The following EPHB1 variants were observed in gnomAD, a reference collection of about 807,000 sequenced individuals.
EPHB1 encodes the protein EPH receptor B1, also known as ephrin type-B receptor 1.
A neutral mutation model predicts 94.4 loss-of-function variants in EPHB1; 30 were observed. That is an observed-to-expected ratio of 0.32 (90% CI 0.24 to 0.43). The LOEUF (loss-of-function observed/expected upper bound fraction) is 0.43, where lower values mean the gene tolerates loss of function less well. Among genes scored for constraint, EPHB1 ranks in the 20% least tolerant of loss-of-function variants. The pLI, the probability that EPHB1 is intolerant of heterozygous loss-of-function variation, is 1.00. For synonymous variants in EPHB1, 522 were observed against 489.1 expected (o/e 1.07, Z -0.89); for missense variants, 1,055 against 1,308.3 (o/e 0.81, Z 2.99).
At chr3:135,070,941 T>C (rs142886415) in intron 3 of EPHB1, among the ~76,000 whole-genome samples, 31 of 152,272 alleles carry the variant, frequency 2.0e-4, no homozygotes, top group Non-Finnish European at 4.0e-4. Context: ...AAAAATGATG[T>C]GCATGGTCAA....
intron 3 of EPHB1, among the ~76,000 whole-genome samples, chr3:134,968,014 A>G (rs932111416): frequency 1.7e-4 from 26 of 152,382 alleles, no homozygotes; most frequent in African/African-American, 6.3e-4. Flanking sequence ...AAACAAGGAC[A>G]TGAGTCCATT....
At chr3:134,908,619 C>T (rs1431665215) in intron 1 of EPHB1, among the ~76,000 whole-genome samples, 1 of 152,120 alleles carries the variant, frequency 6.6e-6, no homozygotes, top group Non-Finnish European at 1.5e-5. Flanking sequence ...TATTCCTGGC[C>T]AGAGCTGCAA....
At chr3:134,807,551 G>GAGA (rs1553852714) in intron 1 of EPHB1, among the ~76,000 whole-genome samples, 1 of 84,832 alleles carries the variant, frequency 1.2e-5, no homozygotes, top group Non-Finnish European at 3.2e-5. Flanking sequence ...GAGAGAGAGA[G>GAGA]GGGAGAGAGA....
chr3:135,248,269 C>T (rs2107731055), intron 13 of EPHB1, 47 bp from the exon 14 acceptor site: 3 of 1,477,712 alleles, frequency 2.0e-6, no homozygotes, highest in Non-Finnish European at 2.7e-6. Flanking sequence ...GAGTGACTGG[C>T]TGGTGGCAGT....
intron 1 of EPHB1, among the ~76,000 whole-genome samples, chr3:134,866,971 G>A (rs922924709): frequency 6.6e-6 from 1 of 151,844 alleles, no homozygotes; most frequent in African/African-American, 2.4e-5. Flanking sequence ...AGCTACATGG[G>A]CCAACCTCTG....
At chr3:134,865,231 A>G (rs2037349846) in intron 1 of EPHB1, among the ~76,000 whole-genome samples, 1 of 151,952 alleles carries the variant, frequency 6.6e-6, no homozygotes, top group Non-Finnish European at 1.5e-5. Flanking sequence ...CTTTGATTAT[A>G]TTATAAACTA....
At chr3:134,848,663 G>A (rs967326623) in intron 1 of EPHB1, among the ~76,000 whole-genome samples, 15 of 152,180 alleles carry the variant, frequency 9.9e-5, no homozygotes, top group African/African-American at 2.7e-4. Flanking sequence ...GAGACTTTGC[G>A]GGAGCCGTTG....
intron 4 of EPHB1, among the ~76,000 whole-genome samples, chr3:135,121,552 G>A (rs1438530501): frequency 6.6e-6 from 1 of 152,188 alleles, no homozygotes; most frequent in Non-Finnish European, 1.5e-5. Context: ...TGCCTCCAGT[G>A]ACAGCAAATG....
chr3:134,907,953 G>C (rs1190996758), intron 1 of EPHB1, among the ~76,000 whole-genome samples: 1 of 152,156 alleles, frequency 6.6e-6, no homozygotes, highest in Non-Finnish European at 1.5e-5. Flanking sequence ...GAGTCCTCCT[G>C]GTGCAGGGTT....
At chr3:135,023,569 T>A (rs1384398169) in intron 3 of EPHB1, among the ~76,000 whole-genome samples, 3 of 152,230 alleles carry the variant, frequency 2.0e-5, no homozygotes, top group Non-Finnish European at 2.9e-5. Context: ...TGTATTTTTT[T>A]ATTTAGAACT....
At chr3:134,893,242 T>G (rs938177885) in intron 1 of EPHB1, among the ~76,000 whole-genome samples, 1 of 152,174 alleles carries the variant, frequency 6.6e-6, no homozygotes, top group Non-Finnish European at 1.5e-5. Flanking sequence ...TGTTTGTTTG[T>G]TTGCATCTGG....
At chr3:134,959,412 G>T (rs192674222) in intron 3 of EPHB1, among the ~76,000 whole-genome samples, 3 of 152,344 alleles carry the variant, frequency 2.0e-5, no homozygotes, top group Admixed American at 1.3e-4. Context: ...CCACTTCTGA[G>T]ACTGGCTTTT....
chr3:135,183,697 G>A (rs1239757448), intron 10 of EPHB1, among the ~76,000 whole-genome samples: 1 of 152,174 alleles, frequency 6.6e-6, no homozygotes, highest in African/African-American at 2.4e-5. Context: ...AGGGAACAAA[G>A]TGGCCTCTGA....
rs771931714 is a variant in EPHB1, at chr3:135,132,861, G to A, written c.1109G>A (p.Cys370Tyr). Residue 370 changes from cysteine to tyrosine, a missense_variant, in exon 5 of 16, where the codon TGC becomes TAC. Physicochemically the swap from Cys to Tyr is radical, Grantham distance 194. Transcript: ENST00000398015. The part of the protein sequence containing the change: ...CKKCRADRRS[C>Y]SRCDDNVEFV... ...AAGTGCCGGGCAGACCGCCGGAGCT[G>A]CTCCCGCTGTGACGACAATGTGGAG... 6.2e-7 allele frequency: 1 copy of A among 1,614,038 alleles called. No individual in the cohort carries two copies. Among genetic ancestry groups the A allele is most frequent in the Non-Finnish European group, 8.5e-7 (1 of 1,179,898 alleles).
intron 3 of EPHB1, among the ~76,000 whole-genome samples, chr3:135,072,052 C>A (rs959467076): frequency 3.9e-5 from 6 of 152,092 alleles, no homozygotes; most frequent in African/African-American, 1.4e-4. Flanking sequence ...CAGACCACTC[C>A]ACACAGCAGG....
chr3:135,139,197 C>A (rs1940729066), intron 5 of EPHB1, among the ~76,000 whole-genome samples: 1 of 152,186 alleles, frequency 6.6e-6, no homozygotes. Context: ...CAGGTAACAT[C>A]TTAATATCCC....
intron 1 of EPHB1, among the ~76,000 whole-genome samples, chr3:134,901,789 A>G (rs766505520): frequency 6.6e-6 from 1 of 152,260 alleles, no homozygotes; most frequent in African/African-American, 2.4e-5. Flanking sequence ...CAGGAGGCAG[A>G]GACAGAGCAA....
chr3:134,961,311 G>A (rs778028994), intron 3 of EPHB1, among the ~76,000 whole-genome samples: 2 of 152,136 alleles, frequency 1.3e-5, no homozygotes, highest in East Asian at 1.9e-4. Flanking sequence ...GAAGGACAGC[G>A]AGTCAAGCAC....
At chr3:134,915,921 CACT>C (rs2038559534) in intron 1 of EPHB1, among the ~76,000 whole-genome samples, 1 of 152,132 alleles carries the variant, frequency 6.6e-6, no homozygotes, top group Non-Finnish European at 1.5e-5. Context: ...AATGGGTTGC[CACT>C]GCTGGCTGGG....
Sources: gnomAD v4.1 joint callset for allele counts (sites outside exome capture counted in the v4.1 genomes callset) on GRCh38, gnomAD v4.1.1 for gene constraint, MANE v1.5 for transcripts, NCBI Gene and HGNC (gene_info 2026-07-23, HGNC 2026-07-21) for gene names.